Variants in FSTL4 observed in about 807,000 individuals in gnomAD.
The protein encoded by FSTL4 is follistatin-related protein 4.
In FSTL4, 28 loss-of-function variants were observed where a neutral mutation model predicts 78.2. The ratio of observed to expected loss-of-function variants is 0.36; its 90% CI spans 0.27 to 0.49. The LOEUF is 0.49. Ranked by LOEUF, FSTL4 falls within the 20% of genes least tolerant of loss-of-function variation. FSTL4 has a pLI of 0.98. For synonymous variants in FSTL4, 422 were observed against 440.5 expected, an observed-to-expected ratio of 0.96 and a Z score of 0.53; for missense variants, 922 against 1,084.9, an observed-to-expected ratio of 0.85 and a Z score of 2.11.
the FSTL4 span, among the ~76,000 whole-genome samples, chr5:133,682,977 A>C: frequency 3.3e-5 from 5 of 152,258 alleles, no homozygotes; most frequent in South Asian, 1.0e-3. Flanking sequence ...TGGGAAACCC[A>C]AGTGACTAAT....
the FSTL4 span, among the ~76,000 whole-genome samples, chr5:133,653,366 C>T: frequency 6.6e-6 from 1 of 152,178 alleles, no homozygotes; most frequent in African/African-American, 2.4e-5. Context: ...ACCCACAAGG[C>T]ACCCCAGCCA....
intron 3 of FSTL4, among the ~76,000 whole-genome samples, chr5:133,418,342 A>G (rs904300081): frequency 6.6e-6 from 1 of 151,982 alleles, no homozygotes; most frequent in Non-Finnish European, 1.5e-5. Flanking sequence ...TAATTTGACA[A>G]ATTAGATAAA....
At chr5:133,347,310 C>A (rs1453953020) in intron 4 of FSTL4, among the ~76,000 whole-genome samples, 2 of 152,170 alleles carry the variant, frequency 1.3e-5, no homozygotes, top group Non-Finnish European at 2.9e-5. Flanking sequence ...CCCTGGGCAG[C>A]GTACAGGTGA....
intron 3 of FSTL4, among the ~76,000 whole-genome samples, chr5:133,491,401 C>CTTT (rs754185647): frequency 2.9e-5 from 4 of 137,908 alleles, no homozygotes; most frequent in Non-Finnish European, 3.2e-5. Flanking sequence ...ACAATTTTTT[C>CTTT]TTTTTTTTTT....
At chr5:133,354,918 C>G (rs1561683872) in intron 4 of FSTL4, among the ~76,000 whole-genome samples, 2 of 152,234 alleles carry the variant, frequency 1.3e-5, no homozygotes, top group Non-Finnish European at 2.9e-5. Flanking sequence ...TGGCCTGGGC[C>G]TAGGCCTGCT....
chr5:133,762,491 C>T, the FSTL4 span, among the ~76,000 whole-genome samples: 5 of 152,306 alleles, frequency 3.3e-5, no homozygotes, highest in East Asian at 3.9e-4. Flanking sequence ...TAGAAACTAA[C>T]GTGTCCTGGC....
chr5:133,702,763 T>G, the FSTL4 span, among the ~76,000 whole-genome samples: 1 of 152,202 alleles, frequency 6.6e-6, no homozygotes, highest in East Asian at 1.9e-4. Flanking sequence ...GGTAAAATCT[T>G]GGAGAGCCTG....
At chr5:133,221,704 G>C (rs1316825588) in intron 11 of FSTL4, among the ~76,000 whole-genome samples, 1 of 152,016 alleles carries the variant, frequency 6.6e-6, no homozygotes, top group Non-Finnish European at 1.5e-5. Flanking sequence ...TCTATAAAGG[G>C]GGAACAAGGT....
the FSTL4 span, among the ~76,000 whole-genome samples, chr5:133,782,559 C>T: frequency 6.6e-6 from 1 of 152,358 alleles, no homozygotes; most frequent in Non-Finnish European, 1.5e-5. Flanking sequence ...GAGTGCTTCC[C>T]TGTGATCTTT....
chr5:133,794,131 C>A, the FSTL4 span, among the ~76,000 whole-genome samples: 2 of 150,460 alleles, frequency 1.3e-5, no homozygotes, highest in Non-Finnish European at 3.0e-5. Flanking sequence ...TGCAGATGCA[C>A]TGCCATTCTG....
At chr5:133,818,928 A>T in the FSTL4 span, among the ~76,000 whole-genome samples, 1 of 6,040 alleles carries the variant, frequency 1.7e-4, no homozygotes, top group African/African-American at 2.3e-4. Context: ...GTTTTAGAAG[A>T]TACTATATAT....
chr5:133,480,237 A>G (rs1368195618), intron 3 of FSTL4, among the ~76,000 whole-genome samples: 1 of 152,240 alleles, frequency 6.6e-6, no homozygotes, highest in African/African-American at 2.4e-5. Context: ...GCCCTTGGGC[A>G]AATTACTTCA....
chr5:133,642,604 A>G, the FSTL4 span, among the ~76,000 whole-genome samples: 7 of 152,246 alleles, frequency 4.6e-5, no homozygotes, highest in Non-Finnish European at 7.3e-5. Context: ...TTAGACCTTC[A>G]GAACTCAGCA....
At chr5:133,663,217 G>A in the FSTL4 span, among the ~76,000 whole-genome samples, 20 of 152,218 alleles carry the variant, frequency 1.3e-4, no homozygotes, top group East Asian at 2.3e-3. Context: ...ACACACACAC[G>A]AATACATATC....
chr5:133,279,015 G>A (rs1752951438), intron 6 of FSTL4, among the ~76,000 whole-genome samples: 1 of 152,224 alleles, frequency 6.6e-6, no homozygotes, highest in Admixed American at 6.5e-5. Context: ...GCCAGCCCTG[G>A]CCAGCAGGCT....
At chr5:133,773,712 C>G in the FSTL4 span, among the ~76,000 whole-genome samples, 2 of 152,186 alleles carry the variant, frequency 1.3e-5, no homozygotes, top group African/African-American at 4.8e-5. Context: ...CTTCATCCTG[C>G]TCATGCCTTT....
intron 3 of FSTL4, among the ~76,000 whole-genome samples, chr5:133,468,316 C>T (rs1167795604): frequency 6.6e-6 from 1 of 152,218 alleles, no homozygotes; most frequent in African/African-American, 2.4e-5. Flanking sequence ...ATGACTCCAT[C>T]CCACTGAGCT....
the FSTL4 span, among the ~76,000 whole-genome samples, chr5:133,628,413 G>A: frequency 2.9e-3 from 429 of 147,564 alleles, 2 homozygotes; most frequent in African/African-American, 0.011. Context: ...AGGCTGGAGT[G>A]CAATGGCATA....
At position 133,507,509 on chromosome 5, in the gene FSTL4, G is replaced by A. The variant is rs189883170; in HGVS notation, c.160+59677C>T. On this transcript the variant is annotated intron_variant, in intron 3 of 15. Transcript: ENST00000265342. ...TTCCACATCTACAGATTCAAACAAC[G>A]GAGACTTGAAAGCATTTTTTTTTTT... Among the ~76,000 whole-genome samples the A allele has an allele frequency of 6.6e-5, 10 of 150,592 alleles. No homozygotes were observed. In the East Asian group the frequency reaches 1.2e-3, roughly 18 times the overall value.
Sources: gnomAD v4.1 joint callset for allele counts (sites outside exome capture counted in the v4.1 genomes callset) on GRCh38, gnomAD v4.1.1 for gene constraint, MANE v1.5 for transcripts, NCBI Gene and HGNC (gene_info 2026-07-23, HGNC 2026-07-21) for gene names.